The following ACYP2 variants were observed in gnomAD, a reference collection of about 807,000 sequenced individuals.
ACYP2 encodes acylphosphatase 2.
A neutral mutation model predicts 11.2 loss-of-function variants in ACYP2; 12 were observed. The ratio of observed to expected loss-of-function variants is 1.08; its 90% CI spans 0.69 to 1.74. The LOEUF (loss-of-function observed/expected upper bound fraction) is 1.74. ACYP2 is among the 40% of genes most tolerant of loss of function. The pLI is 0.00. For synonymous variants in ACYP2, 43 were observed against 32.2 expected, an observed-to-expected ratio of 1.33 and a Z score of -1.13; for missense variants, 134 against 101.9, an observed-to-expected ratio of 1.31 and a Z score of -1.35.
At chr2:54,036,703 C>G (rs1182810642) in intron 2 of ACYP2, among the ~76,000 whole-genome samples, 1 of 152,158 alleles carries the variant, frequency 6.6e-6, no homozygotes, top group Non-Finnish European at 1.5e-5. Flanking sequence ...GGAGAAAATG[C>G]ACAAATTAGG....
At chr2:54,063,357 C>T (rs1253101739) in intron 4 of ACYP2, among the ~76,000 whole-genome samples, 1 of 152,058 alleles carries the variant, frequency 6.6e-6, no homozygotes, top group Non-Finnish European at 1.5e-5. Context: ...GGGAAAATAT[C>T]CTAAAATAAA....
rs201442953 is a variant in ACYP2, at chr2:54,304,693, C to G, written c.410C>G (p.Ser137Cys). Residue 137 changes from serine (S) to cysteine (C), a missense_variant, in exon 7 of 7, where the codon TCC becomes TGC. Coordinates refer to ENST00000607452, the MANE Select transcript of ACYP2 (RefSeq NM_001320586.2). ...ATTTATCTGTTTTTTTATAGGAAGT[C>G]CTGGCTGAGCAAGGTTGGAAGCCCT... 1.4e-5 allele frequency: 22 copies of G among 1,605,828 alleles called. No individual in the cohort carries two copies. In the East Asian group the frequency reaches 4.9e-4, roughly 36 times the overall value.
At position 54,192,253 on chromosome 2, in the gene ACYP2, C is replaced by G. The variant is rs1043862376; in HGVS notation, c.404+53505C>G. On this transcript the variant is annotated intron_variant, in intron 6 of 6. Transcript: ENST00000607452. Reference sequence around the variant, plus strand: ...CTCCTGTATCTGAAAGTATGTCCTTCTTTTTATAGTGTTAGAATATTCTTT... The same window carrying G: ...CTCCTGTATCTGAAAGTATGTCCTTGTTTTTATAGTGTTAGAATATTCTTT... 4.6e-5 allele frequency among the ~76,000 whole-genome samples: 7 copies of G among 152,038 alleles called. 1 individual carries two copies. The highest frequency in any genetic ancestry group is 2.6e-4 in the Admixed American group (4 of 15,250).
chr2:54,173,530 G>C (rs759969810), intron 6 of ACYP2, among the ~76,000 whole-genome samples: 1 of 152,074 alleles, frequency 6.6e-6, no homozygotes, highest in Non-Finnish European at 1.5e-5. Context: ...TTGATGTGCA[G>C]CTCTTTAGTT....
intron 6 of ACYP2, among the ~76,000 whole-genome samples, chr2:54,244,664 T>C (rs568596386): frequency 8.5e-5 from 13 of 152,230 alleles, no homozygotes; most frequent in Admixed American, 5.2e-4. Flanking sequence ...TATTATTTTA[T>C]AATAAATGCT....
chr2:54,297,336 A>G (rs13385842), intron 6 of ACYP2, among the ~76,000 whole-genome samples: 2 of 151,956 alleles, frequency 1.3e-5, no homozygotes, highest in Non-Finnish European at 2.9e-5. Flanking sequence ...TCCACACACA[A>G]AAAAATTTTT....
At chr2:54,131,309 T>G (rs1216337665) in intron 4 of ACYP2, among the ~76,000 whole-genome samples, 1 of 152,194 alleles carries the variant, frequency 6.6e-6, no homozygotes, top group African/African-American at 2.4e-5. Flanking sequence ...CTTTAAAAAT[T>G]TTCTCAAACC....
At chr2:54,191,517 G>A (rs1293778195) in intron 6 of ACYP2, among the ~76,000 whole-genome samples, 1 of 152,156 alleles carries the variant, frequency 6.6e-6, no homozygotes, top group Non-Finnish European at 1.5e-5. Flanking sequence ...CTAGCTGTGT[G>A]ACCTTGCACA....
Position 54,230,621 on chromosome 2 carries a change from C to A in ACYP2, c.405-74067C>A, listed in dbSNP as rs1026497999. 9.9e-5 allele frequency among the ~76,000 whole-genome samples: 15 copies of A among 152,152 alleles called. No homozygotes were observed. In the East Asian group the frequency reaches 2.1e-3, roughly 22 times the overall value. On this transcript the variant is annotated intron_variant, in intron 6 of 6. Coordinates refer to ENST00000607452, the MANE Select transcript of ACYP2 (RefSeq NM_001320586.2). Reference sequence around the variant, plus strand: ...CCTCAGGTGATTTGCCCACCTCGGCCTCCCAAAGTGCTGGGATTACAGGCA... The same window carrying A: ...CCTCAGGTGATTTGCCCACCTCGGCATCCCAAAGTGCTGGGATTACAGGCA...
At chr2:54,103,091 T>A (rs1678984779) in intron 4 of ACYP2, among the ~76,000 whole-genome samples, 1 of 152,042 alleles carries the variant, frequency 6.6e-6, no homozygotes, top group Non-Finnish European at 1.5e-5. Flanking sequence ...CAAGGACTAA[T>A]AGGGGAGAAA....
At chr2:54,186,911 CATT>C (rs1684030460) in intron 6 of ACYP2, among the ~76,000 whole-genome samples, 1 of 151,600 alleles carries the variant, frequency 6.6e-6, no homozygotes, top group South Asian at 2.1e-4. Context: ...AAATACTGTT[CATT>C]AATTAAAAAA....
intron 2 of ACYP2, among the ~76,000 whole-genome samples, chr2:53,986,407 G>C (rs190515004): frequency 9.2e-4 from 139 of 151,554 alleles, no homozygotes; most frequent in African/African-American, 3.1e-3. Flanking sequence ...CATGATCTCA[G>C]CTCACTGCAA....
chr2:54,211,420 T>C (rs1424761798), intron 6 of ACYP2, among the ~76,000 whole-genome samples: 1 of 152,200 alleles, frequency 6.6e-6, no homozygotes, highest in Non-Finnish European at 1.5e-5. Context: ...GTAAGTTTGA[T>C]GTGTGTTTTA....
chr2:54,067,175 A>T (rs1676792755), intron 4 of ACYP2, among the ~76,000 whole-genome samples: 1 of 152,224 alleles, frequency 6.6e-6, no homozygotes, highest in Non-Finnish European at 1.5e-5. Context: ...CTAAAGGTTG[A>T]ATTTCTGAAA....
In ACYP2 at chr2:53,992,830, C is replaced by CAA. The variant is rs535748279; in HGVS notation, c.62+19036_62+19037dup. Among the ~76,000 whole-genome samples the CAA allele has an allele frequency of 1.7e-3, 174 of 100,600 alleles. 2 individuals are homozygous for CAA. The highest frequency in any genetic ancestry group is 4.6e-3 in the East Asian group (17 of 3,702). 66.0% of individuals were successfully genotyped at this position (100,600 alleles called of 152,430 possible). ...TAGGCGACATAGTGAAACTCCATCTCAAAAAAAAAAAAAAAAAGTTTTCCA... is the reference window on the plus strand; with the variant it reads ...TAGGCGACATAGTGAAACTCCATCTCAAAAAAAAAAAAAAAAAAAGTTTTCCA... On this transcript the variant is annotated intron_variant, in intron 2 of 6. Transcript: ENST00000607452.
intron 6 of ACYP2, among the ~76,000 whole-genome samples, chr2:54,298,118 G>A (rs564228289): frequency 6.6e-6 from 1 of 152,316 alleles, no homozygotes; most frequent in East Asian, 1.9e-4. Context: ...ATAATAATTA[G>A]AATAGTTTGG....
At chr2:54,009,047 G>A (rs538609334) in intron 2 of ACYP2, among the ~76,000 whole-genome samples, 1 of 151,982 alleles carries the variant, frequency 6.6e-6, no homozygotes, top group East Asian at 2.0e-4. Flanking sequence ...TAGCTACTCA[G>A]GAGGCTGAGG....
At chr2:54,185,206 T>C (rs139862761) in intron 6 of ACYP2, among the ~76,000 whole-genome samples, 421 of 152,302 alleles carry the variant, frequency 2.8e-3, no homozygotes, top group African/African-American at 9.6e-3. Context: ...GATAAGAGAA[T>C]GGGCAGGTGA....
rs140542504 is a variant in ACYP2, at chr2:54,240,940, C to G, written c.405-63748C>G. Among the ~76,000 whole-genome samples the G allele has an allele frequency of 4.9e-4, 75 of 152,290 alleles. 1 individual carries two copies. The highest frequency in any genetic ancestry group is 1.8e-3 in the African/African-American group (74 of 41,558). On this transcript the variant is annotated intron_variant, in intron 6 of 6. Transcript: ENST00000607452. ...ACATTTAGGCCGAGGAGATGAATGTCTGTTCTCATTGAGGTAATGAGGTTT... is the reference window on the plus strand; with the variant it reads ...ACATTTAGGCCGAGGAGATGAATGTGTGTTCTCATTGAGGTAATGAGGTTT...
Sources: gnomAD v4.1 joint callset for allele counts (sites outside exome capture counted in the v4.1 genomes callset) on GRCh38, gnomAD v4.1.1 for gene constraint, MANE v1.5 for transcripts, NCBI Gene and HGNC (gene_info 2026-07-23, HGNC 2026-07-21) for gene names.